PATJ: variants seen among roughly 807,000 people sequenced by gnomAD.
PATJ encodes PATJ crumbs cell polarity complex component, also known as inaD-like protein.
In PATJ, 190 loss-of-function variants were observed where a neutral mutation model predicts 224.9. The observed-to-expected ratio is 0.84, with a 90% confidence interval of 0.75 to 0.95. The LOEUF (loss-of-function observed/expected upper bound fraction) is 0.95, where lower values mean the gene tolerates loss of function less well. PATJ is among the 40% of genes least tolerant of loss of function. The pLI is 0.00. For synonymous variants in PATJ, 769 were observed against 820.3 expected (o/e 0.94, Z 1.07); for missense variants, 2,121 against 2,270.3 (o/e 0.93, Z 1.34).
At chr1:62,083,034 A>G (rs115539538) in intron 32 of PATJ, among the ~76,000 whole-genome samples, 2,507 of 152,328 alleles carry the variant, frequency 0.016, 33 homozygotes, top group Non-Finnish European at 0.022. Flanking sequence ...TCTGGAGACT[A>G]TGATTTGTAT....
Position 61,763,111 on chromosome 1 carries a change from A to C in PATJ, c.121A>C (p.Thr41Pro). 1 of 1,610,492 alleles carries C rather than the reference A, an allele frequency of 6.2e-7. No homozygotes were observed. Among genetic ancestry groups the C allele is most frequent in the Non-Finnish European group, 8.5e-7 (1 of 1,177,730 alleles). ...TGAGAAGTTATCTATGTTTTATGAG[A>C]CACTAAAGAGTCCTCTCTTCAACCA... Reference protein sequence around the residue: ...QNEKLSMFYETLKSPLFNQIL... With the variant: ...QNEKLSMFYEPLKSPLFNQIL... Residue 41 changes from threonine to proline, a missense_variant, in exon 3 of 44, where the codon ACA (threonine) becomes CCA (proline). Transcript: ENST00000642238.
intron 14 of PATJ, among the ~76,000 whole-genome samples, chr1:61,822,139 A>G (rs1657395898): frequency 1.3e-5 from 2 of 152,214 alleles, no homozygotes; most frequent in South Asian, 2.1e-4. Flanking sequence ...AGTGCCAGGT[A>G]CTGTTCCAGG....
chr1:62,114,073 G>C lies in PATJ; in HGVS notation c.4482G>C (p.Arg1494Ser). ...TCCAGGTTAATGGGGTTGACCTGAGGAACTCCAGCCACGAAGAAGCCATCA... is the reference window on the plus strand; with the variant it reads ...TCCAGGTTAATGGGGTTGACCTGAGCAACTCCAGCCACGAAGAAGCCATCA... Reference protein sequence around the residue: ...QILEVNGVDLRNSSHEEAITA... With the variant: ...QILEVNGVDLSNSSHEEAITA... The change falls in exon 35 of 44, where the codon AGG (arginine) becomes AGC (serine). Residue 1494 changes from arginine to serine, a missense_variant. Arg to Ser is a moderately radical substitution (Grantham distance 110, BLOSUM62 -1). Transcript: ENST00000642238. 6.2e-7 allele frequency: 1 copy of C among 1,614,048 alleles called. No individual in the cohort carries two copies. The highest frequency in any genetic ancestry group is 1.1e-5 in the South Asian group (1 of 91,074).
At chr1:61,812,510 A>G (rs1655086744) in intron 14 of PATJ, among the ~76,000 whole-genome samples, 1 of 150,422 alleles carries the variant, frequency 6.6e-6, no homozygotes, top group Non-Finnish European at 1.5e-5. Context: ...GGGCAGAGGT[A>G]CAGTTCTGTA....
chr1:61,982,700 T>C (rs1644515682), intron 27 of PATJ, among the ~76,000 whole-genome samples: 1 of 152,020 alleles, frequency 6.6e-6, no homozygotes, highest in African/African-American at 2.4e-5. Context: ...AAAATTGAAC[T>C]ATATGCTAGA....
intron 24 of PATJ, among the ~76,000 whole-genome samples, chr1:61,906,146 GT>G (rs1671825041): frequency 1.3e-5 from 2 of 152,258 alleles, no homozygotes; most frequent in South Asian, 2.1e-4. Flanking sequence ...TTATACAAAG[GT>G]TATAGATGGA....
At chr1:61,794,356 G>A (rs1370422814) in intron 9 of PATJ, among the ~76,000 whole-genome samples, 13 of 151,542 alleles carry the variant, frequency 8.6e-5, no homozygotes, top group Admixed American at 8.6e-4. Context: ...TGTCACCCAG[G>A]CTGGCCTCAA....
At position 61,775,284 on chromosome 1, in the gene PATJ, A is replaced by G. The variant is rs767060973; in HGVS notation, c.799A>G (p.Thr267Ala). ...GLGFGIVGGK[T>A]SGVVVRTIVP... ...AGGTTTTGGAATAGTTGGAGGAAAA[A>G]CAAGTGGCGTGGTTGTGAGGACTAT... The change falls in exon 7 of 44, where the codon ACA (threonine) becomes GCA (alanine). Residue 267 changes from threonine (T) to alanine (A), a missense_variant. Coordinates refer to ENST00000642238, the MANE Select transcript of PATJ (RefSeq NM_001350145.3). The G allele has an allele frequency of 6.2e-7, 1 of 1,614,022 alleles. No individual in the cohort carries two copies. Among genetic ancestry groups the G allele is most frequent in the Non-Finnish European group, 8.5e-7 (1 of 1,179,926 alleles).
At chr1:62,049,243 TCACACACACACACACACACACA>T (rs60099928) in intron 30 of PATJ, among the ~76,000 whole-genome samples, 2 of 137,276 alleles carry the variant, frequency 1.5e-5, no homozygotes, top group Admixed American at 1.5e-4. Flanking sequence ...AAGTAAGCAA[TCACACACACACACACACACACA>T]CACACACACA....
intron 14 of PATJ, among the ~76,000 whole-genome samples, chr1:61,819,108 T>C (rs1656750352): frequency 6.6e-6 from 1 of 152,190 alleles, no homozygotes; most frequent in Non-Finnish European, 1.5e-5. Flanking sequence ...AGTAGGCTTT[T>C]TTGTAGGGCT....
At chr1:61,981,027 G>A (rs762943940) in intron 27 of PATJ, among the ~76,000 whole-genome samples, 3 of 152,010 alleles carry the variant, frequency 2.0e-5, no homozygotes, top group Non-Finnish European at 2.9e-5. Context: ...TTGGATGGAG[G>A]GAGGCAGCCT....
intron 16 of PATJ, among the ~76,000 whole-genome samples, chr1:61,830,096 A>T (rs1300708584): frequency 1.3e-5 from 2 of 152,172 alleles, no homozygotes; most frequent in Non-Finnish European, 2.9e-5. Flanking sequence ...ATCCTAATTT[A>T]AAAAATGTTT....
chr1:62,123,801 A>G (rs1479954352), intron 39 of PATJ, among the ~76,000 whole-genome samples: 1 of 109,668 alleles, frequency 9.1e-6, no homozygotes, highest in Non-Finnish European at 1.7e-5. Context: ...TTTCTTAACC[A>G]GTTTCCTATT....
intron 25 of PATJ, 35 bp downstream of exon 25, chr1:61,908,517 A>C (rs755267309): frequency 1.4e-5 from 19 of 1,348,138 alleles, no homozygotes; most frequent in Non-Finnish European, 2.0e-5. Context: ...AAAGTTTAAC[A>C]ACACTCTGTA....
chr1:61,842,149 A>G (rs1353065720), intron 17 of PATJ, among the ~76,000 whole-genome samples: 2 of 152,162 alleles, frequency 1.3e-5, no homozygotes, highest in Admixed American at 6.5e-5. Context: ...ACCTCAGTGC[A>G]GCAAGACTAA....
rs577929152 is a variant in PATJ at position 62,061,744 on chromosome 1, C to T, written c.4125+10686C>T. Among the ~76,000 whole-genome samples, 145 of 151,860 alleles carry T rather than the reference C, an allele frequency of 9.5e-4. 2 individuals are homozygous for T. The highest frequency in any genetic ancestry group is 3.4e-3 in the African/African-American group (141 of 41,392). On this transcript the variant is annotated intron_variant, in intron 31 of 43. Coordinates refer to ENST00000642238, the MANE Select transcript of PATJ (RefSeq NM_001350145.3). Reference sequence around the variant, plus strand: ...GTGTGGTCTTGGCTCACTGCAAGCTCCGCCTCCCAGGTTCACGCCATTCTC... The same window carrying T: ...GTGTGGTCTTGGCTCACTGCAAGCTTCGCCTCCCAGGTTCACGCCATTCTC...
At chr1:62,060,642 G>A (rs1467008436) in intron 31 of PATJ, among the ~76,000 whole-genome samples, 1 of 152,062 alleles carries the variant, frequency 6.6e-6, no homozygotes. Flanking sequence ...GGGAGGGAGT[G>A]AGGATCGTAT....
At chr1:62,075,733 A>G (rs1658175828) in intron 31 of PATJ, among the ~76,000 whole-genome samples, 1 of 152,062 alleles carries the variant, frequency 6.6e-6, no homozygotes, top group African/African-American at 2.4e-5. Context: ...TCTCACTAAC[A>G]CGGTGAAACC....
At chr1:62,071,076 A>C (rs1185269540) in intron 31 of PATJ, among the ~76,000 whole-genome samples, 3 of 152,134 alleles carry the variant, frequency 2.0e-5, no homozygotes, top group Non-Finnish European at 2.9e-5. Context: ...TAAAAGCAAA[A>C]AACAAACAAA....
Sources: gnomAD v4.1 joint callset for allele counts (sites outside exome capture counted in the v4.1 genomes callset) on GRCh38, gnomAD v4.1.1 for gene constraint, MANE v1.5 for transcripts, NCBI Gene and HGNC (gene_info 2026-07-23, HGNC 2026-07-21) for gene names.